The following ITPR2 variants were observed in gnomAD, a reference collection of about 807,000 sequenced individuals.
ITPR2 encodes inositol 1,4,5-trisphosphate-gated calcium channel ITPR2.
Under a neutral mutation model 317.1 loss-of-function variants are expected in ITPR2, and 207 were observed. The ratio of observed to expected loss-of-function variants is 0.65; its 90% confidence interval spans 0.58 to 0.73. The LOEUF is 0.73. ITPR2 is among the 30% of genes least tolerant of loss of function. ITPR2 has a pLI of 0.00. For missense variants in ITPR2, 2,613 were observed against 3,284.0 expected (o/e 0.80, Z 4.99); for synonymous variants, 1,156 against 1,149.1 (o/e 1.01, Z -0.12).
chr12:26,370,243 C>T lies in ITPR2; in HGVS notation c.7857+17191G>A, dbSNP rs146484950. Among the ~76,000 whole-genome samples, 439 of 152,130 alleles carry T rather than the reference C, an allele frequency of 2.9e-3. 5 individuals are homozygous for T. In the Middle Eastern group the frequency reaches 0.034, roughly 12 times the overall value. The stretch of plus-strand genomic sequence containing the variant: ...CTGGGGTCACCCAAAAAGCAGTTGG[C>T]GTATGAAGTAAGGGCATCTTTTTGA... On this transcript the variant is annotated intron_variant, in intron 55 of 56. Transcript: ENST00000381340.
intron 8 of ITPR2, among the ~76,000 whole-genome samples, chr12:26,714,913 C>G (rs909335059): frequency 6.6e-6 from 1 of 152,192 alleles, no homozygotes; most frequent in Non-Finnish European, 1.5e-5. Context: ...GTTCTGGCCT[C>G]AACCTTCCTC....
At chr12:26,420,304 G>A (rs1011840214) in intron 49 of ITPR2, among the ~76,000 whole-genome samples, 1 of 152,104 alleles carries the variant, frequency 6.6e-6, no homozygotes, top group African/African-American at 2.4e-5. Flanking sequence ...AACCATATTT[G>A]TCCTTAAATG....
In ITPR2 at chr12:26,715,767, C is replaced by G; in HGVS notation, c.693G>C (p.Glu231Asp). 6.2e-7 allele frequency: 1 copy of G among 1,600,454 alleles called. No homozygotes were observed. Reference protein sequence around the residue: ...TLFMKYSSYREDVLKGGDVVR... With the variant: ...TLFMKYSSYRDDVLKGGDVVR... ...ACATACTTACTCCTTTTAATACATC[C>G]TCTCGATAGGAACTATATTTCATGA... The change falls in exon 7 of 57, where the codon GAG becomes GAC. Residue 231 changes from glutamate (E) to aspartate (D), a missense_variant. By Grantham distance (45) the Glu-to-Asp change is conservative. Coordinates refer to ENST00000381340, the MANE Select transcript of ITPR2 (RefSeq NM_002223.4).
At chr12:26,436,993 C>T (rs1941367936) in intron 47 of ITPR2, among the ~76,000 whole-genome samples, 1 of 152,170 alleles carries the variant, frequency 6.6e-6, no homozygotes. Flanking sequence ...ATAAGTGGAA[C>T]ACGCTTTGCT....
At chr12:26,649,029 T>C (rs1947178463) in intron 21 of ITPR2, 1 of 152,258 alleles carries the variant, frequency 6.6e-6, no homozygotes. Flanking sequence ...TTGCATAACA[T>C]AAATCGTTTT....
At chr12:26,548,337 G>C (rs1944438213) in intron 37 of ITPR2, among the ~76,000 whole-genome samples, 1 of 152,174 alleles carries the variant, frequency 6.6e-6, no homozygotes, top group African/African-American at 2.4e-5. Flanking sequence ...GATTTCCGGA[G>C]GCTAATGGAT....
At chr12:26,534,514 A>G (rs11611071) in intron 37 of ITPR2, among the ~76,000 whole-genome samples, 54,340 of 152,154 alleles carry the variant, frequency 0.36, 12,062 homozygotes, top group Non-Finnish European at 0.49. Flanking sequence ...TCACTTATCA[A>G]TGAGTTAGTA....
chr12:26,611,788 C>T (rs1482352503), intron 26 of ITPR2, among the ~76,000 whole-genome samples: 2 of 152,218 alleles, frequency 1.3e-5, no homozygotes, highest in Admixed American at 1.3e-4. Context: ...GTAATCCTGA[C>T]TTAACCTACT....
rs557389164 is a variant in ITPR2 at position 26,402,987 on chromosome 12, C to A, written c.7400-2729G>T. On this transcript the variant is annotated intron_variant, in intron 52 of 56. Transcript: ENST00000381340. ...TTTATGGTCCCTAGGAAAGGTGGGT[C>A]AGCAGCTGAACAAGGGCAGTGCAGT... Among the ~76,000 whole-genome samples the A allele has an allele frequency of 1.2e-3, 184 of 152,266 alleles. 1 individual carries two copies. Among genetic ancestry groups the A allele is most frequent in the Non-Finnish European group, 1.6e-4 (11 of 68,022 alleles).
chr12:26,560,296 T>C (rs2137026096), intron 35 of ITPR2, among the ~76,000 whole-genome samples: 1 of 151,704 alleles, frequency 6.6e-6, no homozygotes, highest in South Asian at 2.1e-4. Flanking sequence ...TAGGGCGTTC[T>C]TTTTTTTTCT....
chr12:26,687,673 C>G (rs1011821122), intron 10 of ITPR2, among the ~76,000 whole-genome samples: 1 of 152,070 alleles, frequency 6.6e-6, no homozygotes, highest in Non-Finnish European at 1.5e-5. Context: ...GCTTTTTGGC[C>G]TCTTCTGTAA....
intron 1 of ITPR2, among the ~76,000 whole-genome samples, chr12:26,813,942 A>T (rs887951732): frequency 6.6e-6 from 1 of 152,190 alleles, no homozygotes; most frequent in East Asian, 1.9e-4. Flanking sequence ...GTCTCCGCCT[A>T]TCCATCATCC....
In ITPR2 at chr12:26,802,757, T is replaced by A. The variant is rs75643717; in HGVS notation, c.93-12530A>T. Among the ~76,000 whole-genome samples, 56 of 152,086 alleles carry A rather than the reference T, an allele frequency of 3.7e-4. No homozygotes were observed. In the East Asian group the frequency reaches 0.01, roughly 28 times the overall value. On this transcript the variant is annotated intron_variant, in intron 1 of 56. Coordinates refer to ENST00000381340, the MANE Select transcript of ITPR2 (RefSeq NM_002223.4). ...AGAAGTGTTTCACTGCTTTAAGATA[T>A]ACAAATTCTAAATGTATATGTAACA...
intron 2 of ITPR2, among the ~76,000 whole-genome samples, chr12:26,774,906 T>C (rs1178109985): frequency 6.6e-6 from 1 of 152,254 alleles, no homozygotes; most frequent in African/African-American, 2.4e-5. Flanking sequence ...GGATGGAAGT[T>C]GGCCCCAGCC....
At chr12:26,371,495 T>C (rs1285111623) in intron 55 of ITPR2, among the ~76,000 whole-genome samples, 2 of 152,014 alleles carry the variant, frequency 1.3e-5, no homozygotes, top group Non-Finnish European at 2.9e-5. Flanking sequence ...GGCAAGTAAT[T>C]TGAGATAGTG....
chr12:26,461,467 T>C (rs1469638246), intron 45 of ITPR2, among the ~76,000 whole-genome samples: 1 of 151,870 alleles, frequency 6.6e-6, no homozygotes, highest in African/African-American at 2.4e-5. Context: ...GTTTTTTCTC[T>C]AGAATGGCAG....
At chr12:26,365,047 G>A (rs937723014) in intron 55 of ITPR2, among the ~76,000 whole-genome samples, 1 of 152,200 alleles carries the variant, frequency 6.6e-6, no homozygotes, top group East Asian at 1.9e-4. Flanking sequence ...AGGGAATAAC[G>A]ATAATGAACA....
Position 26,663,829 on chromosome 12 carries a change from T to C in ITPR2, c.1569A>G (p.Lys523=). 1 of 1,610,828 alleles carries C rather than the reference T, an allele frequency of 6.2e-7. No individual in the cohort carries two copies. The highest frequency in any genetic ancestry group is 8.5e-7 in the Non-Finnish European group (1 of 1,179,102). Residue 523 remains lysine, a synonymous_variant, in exon 15 of 57, where the codon AAA becomes AAG. Coordinates refer to ENST00000381340, the MANE Select transcript of ITPR2 (RefSeq NM_002223.4). The part of the protein sequence containing the change: ...NILAQVFGIL[K]APFKEKAGEG... ...CTCCTGCTTTCTCTTTAAAGGGTGC[T>C]TTAAGAATTCCAAATACCTATCAGG...
At chr12:26,724,567 C>G in intron 4 of ITPR2, 89 bp downstream of exon 4, 2 of 756,558 alleles carry the variant, frequency 2.6e-6, no homozygotes, top group Non-Finnish European at 4.6e-6. Flanking sequence ...CTTCCTGTAT[C>G]TCAAAATTTT....
Sources: gnomAD v4.1 joint callset for allele counts (sites outside exome capture counted in the v4.1 genomes callset) on GRCh38, gnomAD v4.1.1 for gene constraint, MANE v1.5 for transcripts, NCBI Gene and HGNC (gene_info 2026-07-23, HGNC 2026-07-21) for gene names.